Variants in FHIT observed in about 807,000 individuals in gnomAD.
FHIT encodes the protein fragile histidine triad diadenosine triphosphatase, also known as bis(5'-adenosyl)-triphosphatase.
In FHIT, 19 loss-of-function variants were observed where a neutral mutation model predicts 17.9. That is an observed-to-expected ratio of 1.06 (90% CI 0.74 to 1.56). The LOEUF is 1.56. Among genes scored for constraint, FHIT ranks in the 40% most tolerant of loss-of-function variants. The probability of loss-of-function intolerance (pLI) is 0.00; values close to 1 mark genes in which losing one functional copy is unlikely to be tolerated. For synonymous variants in FHIT, 81 were observed against 69.7 expected, an observed-to-expected ratio of 1.16 and a Z score of -0.81; for missense variants, 248 against 189.2, an observed-to-expected ratio of 1.31 and a Z score of -1.82.
At chr3:60,806,663 T>A (rs1701400996) in intron 4 of FHIT, among the ~76,000 whole-genome samples, 1 of 152,234 alleles carries the variant, frequency 6.6e-6, no homozygotes, top group African/African-American at 2.4e-5. Context: ...TGATTTATAG[T>A]CATATGTGTC....
intron 8 of FHIT, among the ~76,000 whole-genome samples, chr3:59,832,376 A>AT (rs1002921153): frequency 1.1e-4 from 16 of 151,128 alleles, no homozygotes; most frequent in South Asian, 4.2e-4. Context: ...CTCCTCAATT[A>AT]TTTTTTTTTC....
chr3:59,944,185 C>T (rs761098135), intron 7 of FHIT, among the ~76,000 whole-genome samples: 5 of 152,176 alleles, frequency 3.3e-5, no homozygotes, highest in Non-Finnish European at 7.3e-5. Context: ...AAGTACTATG[C>T]TGACATAGTT....
intron 7 of FHIT, among the ~76,000 whole-genome samples, chr3:59,996,282 C>G (rs1329710920): frequency 6.6e-6 from 1 of 152,018 alleles, no homozygotes; most frequent in Non-Finnish European, 1.5e-5. Flanking sequence ...ATGCATTTCC[C>G]ATGAGTGAGA....
In FHIT at chr3:60,179,698, T is replaced by A. The variant is rs567158937; in HGVS notation, c.104-165546A>T. 2.0e-5 allele frequency among the ~76,000 whole-genome samples: 3 copies of A among 151,012 alleles called. No homozygotes were observed. The East Asian group carries it at 5.8e-4, about 29-fold the overall frequency. On this transcript the variant is annotated intron_variant, in intron 5 of 9. Coordinates refer to ENST00000492590, the MANE Select transcript of FHIT (RefSeq NM_002012.4). ...GGTTGTAAGTGTGTAAAAAAAAAAA[T>A]AGGTTCCTTCAGGTTTAAGAAATCC... is the stretch of plus-strand genomic sequence containing the variant.
In FHIT at chr3:61,150,289, A is replaced by AT. The variant is rs34095404; in HGVS notation, c.-164+50327dup. On this transcript the variant is annotated intron_variant, in intron 2 of 9. Coordinates refer to ENST00000492590, the MANE Select transcript of FHIT (RefSeq NM_002012.4). ...GGGGTTTGTATTGTCCCCTAGAGAG[A>AT]TTTTTTTTTGGAAATGTGAGGAGCG... is the stretch of plus-strand genomic sequence containing the variant. Among the ~76,000 whole-genome samples, 1,157 of 151,128 alleles carry AT rather than the reference A, an allele frequency of 7.7e-3. 12 individuals carry two copies. The highest frequency in any genetic ancestry group is 0.026 in the African/African-American group (1,087 of 41,180).
chr3:60,210,271 TCC>T (rs2107514173), intron 5 of FHIT, among the ~76,000 whole-genome samples: 1 of 152,194 alleles, frequency 6.6e-6, no homozygotes, highest in Non-Finnish European at 1.5e-5. Context: ...TAAAATCAGA[TCC>T]ATTCCTTAGA....
chr3:61,153,871 G>A (rs1209025813), intron 2 of FHIT, among the ~76,000 whole-genome samples: 3 of 152,066 alleles, frequency 2.0e-5, no homozygotes, highest in African/African-American at 7.2e-5. Flanking sequence ...AGCAAGTCTT[G>A]ATATTATTTT....
chr3:60,584,740 C>G (rs372467222), intron 4 of FHIT, among the ~76,000 whole-genome samples: 1 of 151,994 alleles, frequency 6.6e-6, no homozygotes, highest in African/African-American at 2.4e-5. Flanking sequence ...CCAAGAGGTG[C>G]CATTTTCACT....
At chr3:60,711,864 G>T (rs1220448452) in intron 4 of FHIT, among the ~76,000 whole-genome samples, 3 of 152,174 alleles carry the variant, frequency 2.0e-5, no homozygotes, top group African/African-American at 7.2e-5. Flanking sequence ...ATATTATCCA[G>T]GAGAACTTCC....
intron 5 of FHIT, among the ~76,000 whole-genome samples, chr3:60,322,962 T>C (rs149661763): frequency 5.3e-4 from 81 of 152,332 alleles, no homozygotes; most frequent in African/African-American, 1.9e-3. Context: ...GCAGAAGGAC[T>C]GTATAGAAGA....
At chr3:60,552,277 G>C (rs2107627378) in intron 4 of FHIT, among the ~76,000 whole-genome samples, 1 of 152,298 alleles carries the variant, frequency 6.6e-6, no homozygotes, top group Non-Finnish European at 1.5e-5. Flanking sequence ...TTTGTGAATA[G>C]TGCTGTGAAT....
intron 4 of FHIT, among the ~76,000 whole-genome samples, chr3:60,686,623 C>T (rs1375018260): frequency 1.3e-5 from 2 of 152,028 alleles, no homozygotes; most frequent in Non-Finnish European, 2.9e-5. Context: ...CTGCTTTGGT[C>T]TGCCTGTGTA....
At chr3:60,802,451 A>G (rs1701225251) in intron 4 of FHIT, among the ~76,000 whole-genome samples, 2 of 152,168 alleles carry the variant, frequency 1.3e-5, no homozygotes, top group African/African-American at 4.8e-5. Context: ...TCGTAAAAGC[A>G]ACACGTTGCC....
chr3:60,397,809 T>G lies in FHIT; in HGVS notation c.103+139051A>C, dbSNP rs1701508015. 1.3e-5 allele frequency among the ~76,000 whole-genome samples: 2 copies of G among 152,134 alleles called. 1 individual carries two copies. Among genetic ancestry groups the G allele is most frequent in the South Asian group, 4.1e-4 (2 of 4,824 alleles). ...GTTTGGCACACTTTCCTCTGATTGA[T>G]CCTCACCTTTCACCTATTTTACATA... On this transcript the variant is annotated intron_variant, in intron 5 of 9. Coordinates refer to ENST00000492590, the MANE Select transcript of FHIT (RefSeq NM_002012.4).
chr3:60,986,127 G>C (rs145810905), intron 3 of FHIT, among the ~76,000 whole-genome samples: 36 of 152,262 alleles, frequency 2.4e-4, no homozygotes, highest in Non-Finnish European at 4.3e-4. Flanking sequence ...AGTCCCTTTT[G>C]CCATAAGAGG....
At chr3:60,757,114 A>C (rs1699454139) in intron 4 of FHIT, among the ~76,000 whole-genome samples, 1 of 152,238 alleles carries the variant, frequency 6.6e-6, no homozygotes, top group Admixed American at 6.5e-5. Context: ...ATGTGTTATT[A>C]ATATATTTGA....
chr3:60,221,201 A>G (rs913876060), intron 5 of FHIT, among the ~76,000 whole-genome samples: 3 of 152,284 alleles, frequency 2.0e-5, no homozygotes, highest in African/African-American at 7.2e-5. Flanking sequence ...TGCTATGTCT[A>G]GTTTTCTTCC....
intron 3 of FHIT, among the ~76,000 whole-genome samples, chr3:60,934,457 C>A (rs572570838): frequency 1.3e-5 from 2 of 152,220 alleles, no homozygotes; most frequent in South Asian, 4.2e-4. Context: ...CACTGCATGC[C>A]CTGAGGCCGC....
chr3:59,805,270 G>A (rs1700152144), intron 8 of FHIT, among the ~76,000 whole-genome samples: 1 of 152,158 alleles, frequency 6.6e-6, no homozygotes, highest in Non-Finnish European at 1.5e-5. Flanking sequence ...ATTTCACTAG[G>A]AATATTAAAG....
Sources: allele counts gnomAD v4.1 joint callset (sites outside exome capture counted in the v4.1 genomes callset), GRCh38; gene constraint gnomAD v4.1.1; transcripts MANE v1.5; gene names NCBI Gene and HGNC (gene_info 2026-07-23, HGNC 2026-07-21).